RORA: variants seen among roughly 807,000 people sequenced by gnomAD.
RORA encodes the protein RAR related orphan receptor A.
In RORA, 7 loss-of-function variants were observed where a neutral mutation model predicts 69.5. That is an observed-to-expected ratio of 0.10 (90% CI 0.06 to 0.19). The LOEUF (loss-of-function observed/expected upper bound fraction) is 0.19. RORA is among the 10% of genes least tolerant of loss of function. The pLI is 1.00. For synonymous variants in RORA, 261 were observed against 240.8 expected, an observed-to-expected ratio of 1.08 and a Z score of -0.78; for missense variants, 457 against 663.0, an observed-to-expected ratio of 0.69 and a Z score of 3.41.
At chr15:60,719,037 G>C (rs560461738) in intron 1 of RORA, among the ~76,000 whole-genome samples, 3 of 150,056 alleles carry the variant, frequency 2.0e-5, no homozygotes, top group South Asian at 2.1e-4. Flanking sequence ...GTGTGTGTGT[G>C]GGGGGGGTGT....
At chr15:60,911,236 A>C (rs1891707337) in intron 1 of RORA, among the ~76,000 whole-genome samples, 1 of 150,934 alleles carries the variant, frequency 6.6e-6, no homozygotes, top group Non-Finnish European at 1.5e-5. Flanking sequence ...TGCCCGGCTG[A>C]CTCTGGCTGT....
At chr15:60,770,491 A>G (rs1310208602) in intron 1 of RORA, among the ~76,000 whole-genome samples, 1 of 152,198 alleles carries the variant, frequency 6.6e-6, no homozygotes, top group African/African-American at 2.4e-5. Context: ...TTAAGCTTAT[A>G]TCTCATAACC....
rs1463127149 is a variant in RORA, at chr15:60,495,121, CA to C, written c.*2333del. On this transcript the variant is annotated 3_prime_UTR_variant, in exon 11 of 11. Transcript: ENST00000335670. ...AAACCAAAACCAAAAAACTAAAACA[CA>C]AAACTCAAACAAAAACAAAACACCA... 2 of 151,888 alleles carry C rather than the reference CA, an allele frequency of 1.3e-5. No homozygotes were observed. Among genetic ancestry groups the C allele is most frequent in the Non-Finnish European group, 2.9e-5 (2 of 67,970 alleles). The allele number at this position is 151,888 out of a possible 1,614,324, so 9.4% of individuals were successfully genotyped here. A position where few individuals can be genotyped will look rare whatever the true frequency, so the allele number is the denominator to read the frequency against.
intron 1 of RORA, among the ~76,000 whole-genome samples, chr15:61,190,669 G>T (rs991880088): frequency 2.6e-5 from 4 of 152,074 alleles, no homozygotes; most frequent in Non-Finnish European, 5.9e-5. Context: ...GATCTCTTGA[G>T]CCTGGGAGGC....
At chr15:60,853,712 A>G (rs1390777261) in intron 1 of RORA, among the ~76,000 whole-genome samples, 1 of 152,200 alleles carries the variant, frequency 6.6e-6, no homozygotes, top group Non-Finnish European at 1.5e-5. Context: ...CAACCATGCC[A>G]CTAACTAATT....
chr15:61,105,214 T>C (rs1229755895), intron 1 of RORA, among the ~76,000 whole-genome samples: 1 of 152,176 alleles, frequency 6.6e-6, no homozygotes, highest in Admixed American at 6.5e-5. Flanking sequence ...ACATTTATAA[T>C]GAAGCATGTT....
chr15:60,860,369 C>T lies in RORA; in HGVS notation c.167-181683G>A, dbSNP rs116771689. Among the ~76,000 whole-genome samples the T allele has an allele frequency of 3.2e-3, 486 of 152,266 alleles. 2 individuals carry two copies. The highest frequency in any genetic ancestry group is 0.011 in the African/African-American group (444 of 41,548). On this transcript the variant is annotated intron_variant, in intron 1 of 10. Coordinates refer to ENST00000335670, the MANE Select transcript of RORA (RefSeq NM_134261.3). ...GTGTACATCACAAGGTCAAAAGTTG[C>T]GAGAAACTTGACACCTTCGAGATTG...
chr15:60,998,369 A>G lies in RORA; in HGVS notation c.166+230684T>C, dbSNP rs144818431. ...AGCATTATAGAGATGGTGTCTCACC[A>G]TGTTGCCCAGGCTTCACCATGTATA... is the stretch of plus-strand genomic sequence containing the variant. On this transcript the variant is annotated intron_variant, in intron 1 of 10. Transcript: ENST00000335670. Among the ~76,000 whole-genome samples, 253 of 150,346 alleles carry G rather than the reference A, an allele frequency of 1.7e-3. 1 individual carries two copies. The highest frequency in any genetic ancestry group is 5.5e-3 in the African/African-American group (226 of 40,802).
At chr15:60,898,528 T>TAAAC (rs1391883632) in intron 1 of RORA, among the ~76,000 whole-genome samples, 2 of 150,632 alleles carry the variant, frequency 1.3e-5, no homozygotes, top group African/African-American at 4.9e-5. Flanking sequence ...AATAAATAAA[T>TAAAC]AAATAAATAA....
intron 2 of RORA, among the ~76,000 whole-genome samples, chr15:60,574,640 C>A (rs1401904926): frequency 1.3e-5 from 2 of 152,178 alleles, no homozygotes; most frequent in Admixed American, 1.3e-4. Context: ...TCAGTGCCTG[C>A]CATATGCTAA....
In RORA at chr15:61,147,787, G is replaced by A. The variant is rs538819234; in HGVS notation, c.166+81266C>T. Among the ~76,000 whole-genome samples the A allele has an allele frequency of 2.3e-4, 35 of 152,176 alleles. 1 individual carries two copies. The South Asian group carries it at 7.3e-3, about 32-fold the overall frequency. On this transcript the variant is annotated intron_variant, in intron 1 of 10. Coordinates refer to ENST00000335670, the MANE Select transcript of RORA (RefSeq NM_134261.3). This position sits in a 1 kb window ranked among gnomAD's most constrained non-coding sequence, Gnocchi z 4.1. Reference sequence around the variant, plus strand: ...CACGCGTGTGTGTGTGTGTGTGTGTGTGTGTGTGAAATCTTTAGGTTTTTT... The same window carrying A: ...CACGCGTGTGTGTGTGTGTGTGTGTATGTGTGTGAAATCTTTAGGTTTTTT...
chr15:60,681,368 T>C (rs2070640104), intron 1 of RORA, among the ~76,000 whole-genome samples: 1 of 152,200 alleles, frequency 6.6e-6, no homozygotes, highest in Admixed American at 6.5e-5. Flanking sequence ...CCTTGGAGCA[T>C]ACCACTCAGC....
At chr15:61,190,921 C>T (rs2079793158) in intron 1 of RORA, among the ~76,000 whole-genome samples, 1 of 151,894 alleles carries the variant, frequency 6.6e-6, no homozygotes, top group African/African-American at 2.4e-5. Flanking sequence ...ACTGGCTTTC[C>T]TTAAAAACTA....
intron 1 of RORA, among the ~76,000 whole-genome samples, chr15:61,073,453 C>T (rs2078399220): frequency 6.6e-6 from 1 of 152,154 alleles, no homozygotes; most frequent in Non-Finnish European, 1.5e-5. Flanking sequence ...CATTTCTTCA[C>T]AGCCCTGTCA....
At chr15:60,677,579 T>G (rs965273845) in intron 2 of RORA, among the ~76,000 whole-genome samples, 1 of 141,532 alleles carries the variant, frequency 7.1e-6, no homozygotes, top group Non-Finnish European at 1.6e-5. Flanking sequence ...TTTGGTTTTT[T>G]CTTTTTTTTT....
chr15:61,184,038 T>C (rs1479984418), intron 1 of RORA, among the ~76,000 whole-genome samples: 1 of 152,164 alleles, frequency 6.6e-6, no homozygotes, highest in Admixed American at 6.5e-5. Context: ...AGCCATCTCC[T>C]ATCAAAGCCC....
At chr15:60,802,471 T>A (rs1441368721) in intron 1 of RORA, among the ~76,000 whole-genome samples, 1 of 152,182 alleles carries the variant, frequency 6.6e-6, no homozygotes, top group Non-Finnish European at 1.5e-5. Context: ...ATGAGGCCCA[T>A]CTCTCTCTTC....
intron 1 of RORA, among the ~76,000 whole-genome samples, chr15:61,023,900 T>C (rs1228597404): frequency 6.6e-6 from 1 of 152,198 alleles, no homozygotes; most frequent in African/African-American, 2.4e-5. Flanking sequence ...AGTATCCAAT[T>C]TGTATACACT....
intron 1 of RORA, among the ~76,000 whole-genome samples, chr15:60,902,427 A>G (rs1156713919): frequency 6.6e-5 from 10 of 152,150 alleles, no homozygotes; most frequent in Non-Finnish European, 1.5e-5. Context: ...ATGGGTTTGA[A>G]AAAAGAAAGG....
Sources: gnomAD v4.1 joint callset for allele counts (sites outside exome capture counted in the v4.1 genomes callset) on GRCh38, gnomAD v4.1.1 for gene constraint, Gnocchi (gnomAD v3.1) non-coding constraint, MANE v1.5 for transcripts, NCBI Gene and HGNC (gene_info 2026-07-23, HGNC 2026-07-21) for gene names.